Variants in HS3ST5 observed in about 807,000 individuals in gnomAD.
The protein encoded by HS3ST5 is heparan sulfate-glucosamine 3-sulfotransferase 5.
In HS3ST5, 10 loss-of-function variants were observed where a neutral mutation model predicts 25.4. That is an observed-to-expected ratio of 0.39 (90% CI 0.24 to 0.67). The LOEUF (loss-of-function observed/expected upper bound fraction) is 0.67. Among genes scored for constraint, HS3ST5 ranks in the 30% least tolerant of loss-of-function variants. HS3ST5 has a pLI of 0.44. For synonymous variants in HS3ST5, 170 were observed against 162.4 expected (o/e 1.05, Z -0.36); for missense variants, 324 against 420.7 (o/e 0.77, Z 2.01).
chr6:114,088,302 A>T (rs1204687597), intron 3 of HS3ST5, among the ~76,000 whole-genome samples: 1 of 151,916 alleles, frequency 6.6e-6, no homozygotes, highest in South Asian at 2.1e-4. Context: ...CACATCCCAC[A>T]TATGAAATGT....
chr6:114,108,107 CTG>C (rs1304409485), intron 3 of HS3ST5, among the ~76,000 whole-genome samples: 1 of 152,104 alleles, frequency 6.6e-6, no homozygotes, highest in African/African-American at 2.4e-5. Flanking sequence ...TAGATACAGT[CTG>C]GGTCCAGTCA....
Position 114,057,234 on chromosome 6 carries a change from A to AT in HS3ST5, c.*22dup, listed in dbSNP as rs1245483636. 2 of 1,491,082 alleles carry AT rather than the reference A, an allele frequency of 1.3e-6. No homozygotes were observed. The highest frequency in any genetic ancestry group is 1.9e-6 in the Non-Finnish European group (2 of 1,074,600). 92.4% of individuals were successfully genotyped at this position (1,491,082 alleles called of 1,614,324 possible). A position where few individuals can be genotyped will look rare whatever the true frequency, so the allele number is the denominator to read the frequency against. ...CATTGTGTGTCTCCAGGCACAACACATAGTGTTGTATGACATATTATTTTA... is the reference window on the plus strand; with the variant it reads ...CATTGTGTGTCTCCAGGCACAACACATTAGTGTTGTATGACATATTATTTTA... On this transcript the variant is annotated 3_prime_UTR_variant, in exon 5 of 5. Coordinates refer to ENST00000312719, the MANE Select transcript of HS3ST5 (RefSeq NM_153612.4).
chr6:114,199,956 G>C (rs1232136677), intron 2 of HS3ST5, among the ~76,000 whole-genome samples: 1 of 152,160 alleles, frequency 6.6e-6, no homozygotes, highest in East Asian at 1.9e-4. Context: ...GCTCACGCCT[G>C]TGTTCCCAGC....
At chr6:114,121,226 T>C (rs931368935) in intron 3 of HS3ST5, among the ~76,000 whole-genome samples, 4 of 152,216 alleles carry the variant, frequency 2.6e-5, no homozygotes, top group African/African-American at 4.8e-5. Flanking sequence ...ATACATCACA[T>C]AACAGTGTTC....
In HS3ST5 at chr6:114,324,163, G is replaced by C. The variant is rs1413420934; in HGVS notation, c.-339+18032C>G. Among the ~76,000 whole-genome samples, 3 of 152,264 alleles carry C rather than the reference G, an allele frequency of 2.0e-5. No homozygotes were observed. In the East Asian group the frequency reaches 5.8e-4, roughly 29 times the overall value. ...CTACATAAAAATGCTTACCCACTGT[G>C]GTTCCCTTTTAGACAACAGGGCTGC... is the stretch of plus-strand genomic sequence containing the variant. On this transcript the variant is annotated intron_variant, in intron 1 of 4. Transcript: ENST00000312719.
intron 3 of HS3ST5, among the ~76,000 whole-genome samples, chr6:114,133,541 C>T (rs996565828): frequency 6.6e-6 from 1 of 152,086 alleles, no homozygotes; most frequent in African/African-American, 2.4e-5. Context: ...AAATTTTAGG[C>T]TAAGAGGAGG....
rs1772732200 is a variant in HS3ST5, at chr6:114,252,949, C to T, written c.-338-24171G>A. 3.3e-5 allele frequency among the ~76,000 whole-genome samples: 5 copies of T among 151,994 alleles called. No homozygotes were observed. The South Asian group carries it at 1.0e-3, about 32-fold the overall frequency. ...TGATGGCTCATGCCTGTAATCCTAGCACTTTGGGAATTGCTTGAGCCCAGG... is the reference window on the plus strand; with the variant it reads ...TGATGGCTCATGCCTGTAATCCTAGTACTTTGGGAATTGCTTGAGCCCAGG... On this transcript the variant is annotated intron_variant, in intron 1 of 4. Coordinates refer to ENST00000312719, the MANE Select transcript of HS3ST5 (RefSeq NM_153612.4).
At position 114,065,208 on chromosome 6, in the gene HS3ST5, C is replaced by T. The variant is rs7770026; in HGVS notation, c.-32-2331G>A. 5.9e-3 allele frequency among the ~76,000 whole-genome samples: 899 copies of T among 152,274 alleles called. 9 individuals are homozygous for T. The highest frequency in any genetic ancestry group is 0.02 in the African/African-American group (843 of 41,546). On this transcript the variant is annotated intron_variant, in intron 3 of 4. Coordinates refer to ENST00000312719, the MANE Select transcript of HS3ST5 (RefSeq NM_153612.4). ...ATGGAGTTATTTCCATTTCATAGGTCAAGTGAAGCTCACAATTTTCTCCAA... is the reference window on the plus strand; with the variant it reads ...ATGGAGTTATTTCCATTTCATAGGTTAAGTGAAGCTCACAATTTTCTCCAA...
chr6:114,127,445 T>A (rs1384924535), intron 3 of HS3ST5, among the ~76,000 whole-genome samples: 2 of 152,142 alleles, frequency 1.3e-5, no homozygotes, highest in East Asian at 3.8e-4. Flanking sequence ...TACAAATTTC[T>A]TACCACTGAG....
intron 3 of HS3ST5, among the ~76,000 whole-genome samples, chr6:114,148,739 A>G (rs1033614189): frequency 2.0e-5 from 3 of 152,214 alleles, no homozygotes; most frequent in Admixed American, 6.5e-5. Context: ...TAATTGACAA[A>G]TAAGATCTAA....
At chr6:114,200,907 T>C (rs556094181) in intron 2 of HS3ST5, among the ~76,000 whole-genome samples, 3 of 152,310 alleles carry the variant, frequency 2.0e-5, no homozygotes, top group South Asian at 4.1e-4. Flanking sequence ...GGATGCTCCA[T>C]AACCAGTACT....
intron 3 of HS3ST5, among the ~76,000 whole-genome samples, chr6:114,109,272 GTA>G (rs10660032): frequency 2.7e-5 from 4 of 150,400 alleles, no homozygotes; most frequent in South Asian, 4.2e-4. Flanking sequence ...ATGTGTGTGT[GTA>G]TATATATATA....
At chr6:114,146,146 G>A (rs189776719) in intron 3 of HS3ST5, among the ~76,000 whole-genome samples, 1 of 152,260 alleles carries the variant, frequency 6.6e-6, no homozygotes. Flanking sequence ...TCTCTTCTCT[G>A]TAAACCACAG....
intron 1 of HS3ST5, among the ~76,000 whole-genome samples, chr6:114,267,480 G>A (rs905213381): frequency 6.6e-6 from 1 of 152,180 alleles, no homozygotes; most frequent in Non-Finnish European, 1.5e-5. Flanking sequence ...AGGTGAGGAA[G>A]GGTGAAGCAG....
intron 1 of HS3ST5, among the ~76,000 whole-genome samples, chr6:114,312,887 G>A (rs755844434): frequency 2.0e-5 from 3 of 151,482 alleles, no homozygotes; most frequent in African/African-American, 4.9e-5. Context: ...AAAATCAGCC[G>A]AGCATGGTGG....
chr6:114,266,147 A>G (rs1336078319), intron 1 of HS3ST5, among the ~76,000 whole-genome samples: 1 of 152,188 alleles, frequency 6.6e-6, no homozygotes, highest in Non-Finnish European at 1.5e-5. Flanking sequence ...TGATACTGTC[A>G]ACTACCGATG....
rs1281900399 is a variant in HS3ST5 at position 114,220,646 on chromosome 6, C to T, written c.-145+7939G>A. On this transcript the variant is annotated intron_variant, in intron 2 of 4. Coordinates refer to ENST00000312719, the MANE Select transcript of HS3ST5 (RefSeq NM_153612.4). ...TATATGGTAAGTCATTTCATGGCTTCATAAATAATTTCATTTATTTTTCAA... is the reference window on the plus strand; with the variant it reads ...TATATGGTAAGTCATTTCATGGCTTTATAAATAATTTCATTTATTTTTCAA... 3 of 151,674 alleles carry T rather than the reference C, an allele frequency of 2.0e-5. No individual in the cohort carries two copies. The South Asian group carries it at 6.2e-4, about 32-fold the overall frequency. The allele number at this position is 151,674 out of a possible 1,614,324, so 9.4% of individuals were successfully genotyped here. A position where few individuals can be genotyped will look rare whatever the true frequency, so the allele number is the denominator to read the frequency against.
At chr6:114,219,648 TTTG>T (rs1368954457) in intron 2 of HS3ST5, among the ~76,000 whole-genome samples, 1 of 152,170 alleles carries the variant, frequency 6.6e-6, no homozygotes, top group Non-Finnish European at 1.5e-5. Flanking sequence ...TTAAGCATTT[TTTG>T]TTATTATTGA....
chr6:114,233,738 T>C (rs187771299), intron 1 of HS3ST5, among the ~76,000 whole-genome samples: 12 of 152,322 alleles, frequency 7.9e-5, no homozygotes, highest in African/African-American at 2.9e-4. Flanking sequence ...ACTGATTATT[T>C]TGGAAAACAG....
Sources: allele counts gnomAD v4.1 joint callset (sites outside exome capture counted in the v4.1 genomes callset), GRCh38; gene constraint gnomAD v4.1.1; transcripts MANE v1.5; gene names NCBI Gene and HGNC (gene_info 2026-07-23, HGNC 2026-07-21).